TVP23A: variants seen among roughly 807,000 people sequenced by gnomAD.
The protein encoded by TVP23A is trans-golgi network vesicle protein 23 homolog A, also known as Golgi apparatus membrane protein TVP23 homolog A.
Under a neutral mutation model 31.7 loss-of-function variants are expected in TVP23A, and 21 were observed. The ratio of observed to expected loss-of-function variants is 0.66; its 90% CI spans 0.47 to 0.95. TVP23A has a LOEUF of 0.95. TVP23A is among the 40% of genes least tolerant of loss of function. TVP23A has a pLI of 0.00. For synonymous variants in TVP23A, 104 were observed against 96.0 expected (o/e 1.08, Z -0.49); for missense variants, 279 against 255.6 (o/e 1.09, Z -0.62).
intron 5 of TVP23A, 132 bp downstream of exon 5, chr16:10,773,181 G>A (rs2031750676): frequency 8.3e-7 from 1 of 1,200,670 alleles, no homozygotes; most frequent in Non-Finnish European, 1.1e-6. Flanking sequence ...TGTATGGAAT[G>A]TGTATTATAT....
At chr16:10,770,731 C>G (rs1043103522) in intron 6 of TVP23A, among the ~76,000 whole-genome samples, 9 of 151,742 alleles carry the variant, frequency 5.9e-5, no homozygotes, top group Non-Finnish European at 1.5e-5. Flanking sequence ...ATTAGCCAGG[C>G]ATGGTGTTAT....
chr16:10,780,105 G>A (rs1212835985), intron 2 of TVP23A, among the ~76,000 whole-genome samples: 1 of 149,446 alleles, frequency 6.7e-6, no homozygotes. Flanking sequence ...ATGAATGAAT[G>A]AATGAATGAA....
intron 2 of TVP23A, among the ~76,000 whole-genome samples, chr16:10,786,972 G>A (rs1310640754): frequency 6.6e-6 from 1 of 151,826 alleles, no homozygotes; most frequent in Non-Finnish European, 1.5e-5. Flanking sequence ...ATCCCCCATT[G>A]AGTAATGGAC....
intron 2 of TVP23A, among the ~76,000 whole-genome samples, chr16:10,794,694 T>C (rs553663310): frequency 1.2e-4 from 18 of 151,614 alleles, no homozygotes; most frequent in African/African-American, 3.1e-4. Context: ...GAGATGGGGG[T>C]TGGGGGCAAG....
intron 2 of TVP23A, among the ~76,000 whole-genome samples, chr16:10,786,636 C>T (rs13333256): frequency 0.024 from 3,587 of 152,050 alleles, 162 homozygotes; most frequent in African/African-American, 0.081. Context: ...GTGATGATGT[C>T]TAGAATTTGC....
At position 10,766,922 on chromosome 16, in the gene TVP23A, G is replaced by C. The variant is rs2030968394; in HGVS notation, c.*2180C>G. ...AGTGCGAATTGGCCTTATGTTCCCT[G>C]CCTCTGGACCCTATTTTCCTGACTC... is the stretch of plus-strand genomic sequence containing the variant. On this transcript the variant is annotated 3_prime_UTR_variant, in exon 8 of 8. Coordinates refer to ENST00000299866, the MANE Select transcript of TVP23A (RefSeq NM_001079512.4). This position sits in a 1 kb window ranked among gnomAD's most constrained non-coding sequence, Gnocchi z 4.8. 4.5e-5 allele frequency: 18 copies of C among 398,498 alleles called. No individual in the cohort carries two copies. Among genetic ancestry groups the C allele is most frequent in the Non-Finnish European group, 2.7e-5 (6 of 226,072 alleles). The allele number at this position is 398,498 out of a possible 1,614,324, so 24.7% of individuals were successfully genotyped here.
intron 2 of TVP23A, among the ~76,000 whole-genome samples, chr16:10,794,757 G>A (rs1184822364): frequency 1.3e-5 from 2 of 152,146 alleles, no homozygotes; most frequent in Admixed American, 1.3e-4. Context: ...GTAGGGGTCT[G>A]TGTCTGTCTG....
chr16:10,759,732 C>T (rs1044855137), downstream of TVP23A, among the ~76,000 whole-genome samples: 2 of 152,074 alleles, frequency 1.3e-5, no homozygotes, highest in Admixed American at 6.5e-5. The surrounding 1 kb of genome is among the most constrained non-coding windows in gnomAD (Gnocchi z 4.7). Flanking sequence ...GCCGAGATCG[C>T]GCCACTGCAC....
At position 10,768,115 on chromosome 16, in the gene TVP23A, T is replaced by G. The variant is rs2031174005; in HGVS notation, c.*987A>C. 1 of 1,340,898 alleles carries G rather than the reference T, an allele frequency of 7.5e-7. No homozygotes were observed. Among genetic ancestry groups the G allele is most frequent in the African/African-American group, 1.4e-5 (1 of 69,260 alleles). The allele number at this position is 1,340,898 out of a possible 1,614,324, so 83.1% of individuals were successfully genotyped here. ...GGAGCCAGGGGTGTGGAAGGACAGG[T>G]GGGTGGTGGGGTCTGTGATGACCAC... On this transcript the variant is annotated 3_prime_UTR_variant, in exon 8 of 8. Transcript: ENST00000299866. This position sits in a 1 kb window ranked among gnomAD's most constrained non-coding sequence, Gnocchi z 4.3.
intron 2 of TVP23A, among the ~76,000 whole-genome samples, chr16:10,815,583 T>C (rs77823996): frequency 0.015 from 2,278 of 152,270 alleles, 38 homozygotes; most frequent in Non-Finnish European, 0.023. Context: ...ATCTGGTGAA[T>C]AGAGGCCAGG....
chr16:10,788,144 AG>A (rs1261607416), intron 2 of TVP23A, among the ~76,000 whole-genome samples: 1 of 152,174 alleles, frequency 6.6e-6, no homozygotes, highest in Non-Finnish European at 1.5e-5. Flanking sequence ...CAACTCAAAC[AG>A]GGAGGGCGCT....
At chr16:10,785,711 C>T (rs2032713777) in intron 2 of TVP23A, among the ~76,000 whole-genome samples, 2 of 152,178 alleles carry the variant, frequency 1.3e-5, no homozygotes, top group African/African-American at 4.8e-5. Flanking sequence ...GTAAGATGAA[C>T]ATTGGTTGGG....
At position 10,818,373 on chromosome 16, in the gene TVP23A, G is replaced by A; in HGVS notation, c.9+112C>T. On this transcript the variant is annotated intron_variant, in intron 1 of 7. Coordinates refer to ENST00000299866, the MANE Select transcript of TVP23A (RefSeq NM_001079512.4). The surrounding 1 kb of genome is among the most constrained non-coding windows in gnomAD (Gnocchi z 4.7). ...TCCACCCTCCCGACCACCGGGTGCA[G>A]CCCAGCCCCAGGCCCCGGCGCATCC... The A allele has an allele frequency of 1.3e-6, 2 of 1,487,264 alleles. No homozygotes were observed. The highest frequency in any genetic ancestry group is 2.4e-5 in the South Asian group (2 of 82,454). The allele number at this position is 1,487,264 out of a possible 1,614,324, so 92.1% of individuals were successfully genotyped here.
At position 10,775,054 on chromosome 16, in the gene TVP23A, A is replaced by G; in HGVS notation, c.132T>C (p.Ser44=). 1 of 1,611,472 alleles carries G rather than the reference A, an allele frequency of 6.2e-7. No individual in the cohort carries two copies. The highest frequency in any genetic ancestry group is 8.5e-7 in the Non-Finnish European group (1 of 1,178,794). ...ATFFHLFFRV[S]AIVTYVSCDW... ...CGCAGCTCACGTAGGTGACGATGGC[A>G]CTCACTCGGAAAAACAGGTGGAAAA... The change falls in exon 3 of 8, where the codon AGT becomes AGC. Residue 44 remains serine, a synonymous_variant. Transcript: ENST00000299866.
At chr16:10,816,925 TCACACACACACACACA>T (rs58142989) in intron 2 of TVP23A, among the ~76,000 whole-genome samples, 4 of 145,800 alleles carry the variant, frequency 2.7e-5, no homozygotes, top group African/African-American at 5.1e-5. Flanking sequence ...CAGGGAAACT[TCACACACACACACACA>T]CACACACACA....
At chr16:10,762,862 GA>G (rs2030201816), downstream of TVP23A, among the ~76,000 whole-genome samples, 2 of 152,132 alleles carry the variant, frequency 1.3e-5, no homozygotes, top group Non-Finnish European at 2.9e-5. Flanking sequence ...GGGGAGGGCG[GA>G]GGCCACGTGG....
At chr16:10,808,541 A>C (rs1402876829) in intron 2 of TVP23A, 1 of 455,494 alleles carries the variant, frequency 2.2e-6, no homozygotes. Context: ...TCATACCTTT[A>C]ATCCCAGCAC....
Position 10,768,853 on chromosome 16 carries a change from G to T in TVP23A, c.*249C>A. On this transcript the variant is annotated 3_prime_UTR_variant, in exon 8 of 8. Transcript: ENST00000299866. The surrounding 1 kb of genome is among the most constrained non-coding windows in gnomAD (Gnocchi z 4.3). ...GGTCCGAGGAAGGCCGCAGCCACTGGTTATGAGCAAGATGGGTAGTGTGAG... is the reference window on the plus strand; with the variant it reads ...GGTCCGAGGAAGGCCGCAGCCACTGTTTATGAGCAAGATGGGTAGTGTGAG... 1.8e-6 allele frequency: 1 copy of T among 548,832 alleles called. No homozygotes were observed. Among genetic ancestry groups the T allele is most frequent in the Non-Finnish European group, 3.2e-6 (1 of 307,768 alleles). 34.0% of individuals were successfully genotyped at this position (548,832 alleles called of 1,614,324 possible). A position where few individuals can be genotyped will look rare whatever the true frequency, so the allele number is the denominator to read the frequency against.
chr16:10,794,461 G>A (rs2033276973), intron 2 of TVP23A, among the ~76,000 whole-genome samples: 2 of 152,262 alleles, frequency 1.3e-5, no homozygotes, highest in South Asian at 4.1e-4. Flanking sequence ...CAGTATTTGA[G>A]GGAGTTAGGA....
Sources: gnomAD v4.1 joint callset for allele counts (sites outside exome capture counted in the v4.1 genomes callset) on GRCh38, gnomAD v4.1.1 for gene constraint, Gnocchi (gnomAD v3.1) non-coding constraint, MANE v1.5 for transcripts, NCBI Gene and HGNC (gene_info 2026-07-23, HGNC 2026-07-21) for gene names.